Variants in CREB3L2 observed in about 807,000 individuals in gnomAD.
CREB3L2 encodes the protein cAMP responsive element binding protein 3 like 2, also known as cyclic AMP-responsive element-binding protein 3-like protein 2.
CREB3L2 carries 23 observed loss-of-function variants against 57.2 expected under a neutral mutation model. That is an observed-to-expected ratio of 0.40 (90% CI 0.29 to 0.57). The LOEUF is 0.57. Among genes scored for constraint, CREB3L2 ranks in the 20% least tolerant of loss-of-function variants. The pLI, the probability that CREB3L2 is intolerant of heterozygous loss-of-function variation, is 0.42. For missense variants in CREB3L2, 628 were observed against 634.7 expected, an observed-to-expected ratio of 0.99 and a Z score of 0.11; for synonymous variants, 268 against 265.1, an observed-to-expected ratio of 1.01 and a Z score of -0.11.
chr7:137,997,662 A>C (rs1421761204), intron 1 of CREB3L2, among the ~76,000 whole-genome samples: 6 of 152,182 alleles, frequency 3.9e-5, no homozygotes, highest in Non-Finnish European at 4.4e-5. Flanking sequence ...TGGAAGGTTA[A>C]GCCTGCAGTG....
At chr7:137,903,542 ATCTT>A (rs1244623793) in intron 7 of CREB3L2, among the ~76,000 whole-genome samples, 2 of 151,756 alleles carry the variant, frequency 1.3e-5, no homozygotes, top group Admixed American at 1.3e-4. Flanking sequence ...CCAACCTGAC[ATCTT>A]TCTTTCCCTA....
chr7:137,978,863 C>G (rs541294569), intron 1 of CREB3L2, among the ~76,000 whole-genome samples: 78 of 152,228 alleles, frequency 5.1e-4, no homozygotes, highest in Middle Eastern at 3.4e-3. Flanking sequence ...TGGATGAAAA[C>G]CTCAAGGAGA....
chr7:137,922,431 T>C (rs1451133505), intron 2 of CREB3L2, among the ~76,000 whole-genome samples: 4 of 48,518 alleles, frequency 8.2e-5, no homozygotes, highest in African/African-American at 6.5e-4. Flanking sequence ...TATATATATA[T>C]ATATACGTAT....
At position 137,884,988 on chromosome 7, in the gene CREB3L2, G is replaced by A; in HGVS notation, c.1270+7C>T. ...GACCCTGCCCAACTTGCCACATGCT[G>A]TCTTACCCACGGAGGCTGTGTAGGG... is the stretch of plus-strand genomic sequence containing the variant. On this transcript the variant is annotated splice_region_variant and intron_variant, in intron 10 of 11. Transcript: ENST00000330387. 4 of 1,614,176 alleles carry A rather than the reference G, an allele frequency of 2.5e-6. No homozygotes were observed. The highest frequency in any genetic ancestry group is 3.4e-6 in the Non-Finnish European group (4 of 1,180,032).
At position 137,905,682 on chromosome 7, in the gene CREB3L2, C is replaced by A; in HGVS notation, c.915+20G>T. The stretch of plus-strand genomic sequence containing the variant: ...TCTGCTCGTCTCTGCTCTAGAAGTG[C>A]CTAGATTTGAAGAGCTCACCTTATT... On this transcript the variant is annotated intron_variant, in intron 6 of 11. Coordinates refer to ENST00000330387, the MANE Select transcript of CREB3L2 (RefSeq NM_194071.4). The A allele has an allele frequency of 1.9e-6, 3 of 1,613,468 alleles. No homozygotes were observed. The South Asian group carries it at 3.3e-5, about 18-fold the overall frequency.
chr7:137,981,304 CA>C (rs1801707284), intron 1 of CREB3L2, among the ~76,000 whole-genome samples: 1 of 152,150 alleles, frequency 6.6e-6, no homozygotes, highest in Non-Finnish European at 1.5e-5. Context: ...GGGGACTGGT[CA>C]GGGGTAGCAG....
chr7:137,960,385 ATG>A (rs1801297964), intron 1 of CREB3L2, among the ~76,000 whole-genome samples: 1 of 152,210 alleles, frequency 6.6e-6, no homozygotes, highest in Admixed American at 6.5e-5. Flanking sequence ...ATAAATACAT[ATG>A]TGTGTGTTTA....
intron 8 of CREB3L2, 115 bp from the exon 9 acceptor site, chr7:137,885,617 C>T: frequency 1.3e-6 from 1 of 758,302 alleles, no homozygotes. Flanking sequence ...TCAACAGAGC[C>T]CCAAGGGACA....
At chr7:137,988,164 A>C (rs1801822696) in intron 1 of CREB3L2, among the ~76,000 whole-genome samples, 1 of 152,092 alleles carries the variant, frequency 6.6e-6, no homozygotes, top group Non-Finnish European at 1.5e-5. Flanking sequence ...TCCTCCTCCC[A>C]CACCTGTTCC....
At chr7:137,939,328 G>A (rs1209628122) in intron 1 of CREB3L2, among the ~76,000 whole-genome samples, 1 of 152,000 alleles carries the variant, frequency 6.6e-6, no homozygotes, top group African/African-American at 2.4e-5. Flanking sequence ...TCCCAGGCAC[G>A]TTCGGCATAG....
intron 1 of CREB3L2, among the ~76,000 whole-genome samples, chr7:137,969,550 A>T: frequency 6.6e-6 from 1 of 151,394 alleles, no homozygotes. Context: ...ACGGGATTTC[A>T]CCATGTTAAC....
At chr7:137,975,448 A>T (rs970445968) in intron 1 of CREB3L2, among the ~76,000 whole-genome samples, 2 of 151,726 alleles carry the variant, frequency 1.3e-5, no homozygotes, top group Non-Finnish European at 2.9e-5. Flanking sequence ...CATCTGCAGG[A>T]CTCTCGCCCC....
Position 137,876,698 on chromosome 7 carries a change from T to C in CREB3L2, c.*3778A>G, listed in dbSNP as rs1238469398. 2 of 232,264 alleles carry C rather than the reference T, an allele frequency of 8.6e-6. No homozygotes were observed. Among genetic ancestry groups the C allele is most frequent in the African/African-American group, 4.4e-5 (2 of 45,256 alleles). 14.4% of individuals were successfully genotyped at this position (232,264 alleles called of 1,614,324 possible). A position where few individuals can be genotyped will look rare whatever the true frequency, so the allele number is the denominator to read the frequency against. On this transcript the variant is annotated 3_prime_UTR_variant, in exon 12 of 12. Coordinates refer to ENST00000330387, the MANE Select transcript of CREB3L2 (RefSeq NM_194071.4). ...AATAAAATGACTCTCAAGAGGGCAC[T>C]ACCTGCCCATGGCTTCACAGGTCCA... is the stretch of plus-strand genomic sequence containing the variant.
intron 1 of CREB3L2, among the ~76,000 whole-genome samples, chr7:137,942,953 G>A (rs867659684): frequency 1.3e-5 from 2 of 152,152 alleles, no homozygotes; most frequent in Admixed American, 6.5e-5. Context: ...CCTCGGGGGT[G>A]GGGGAGATAT....
In CREB3L2 at chr7:137,880,314, C is replaced by T; in HGVS notation, c.*162G>A. The T allele has an allele frequency of 3.1e-6, 2 of 639,198 alleles. No individual in the cohort carries two copies. Among genetic ancestry groups the T allele is most frequent in the Middle Eastern group, 4.2e-4 (1 of 2,394 alleles). The allele number at this position is 639,198 out of a possible 1,614,324, so 39.6% of individuals were successfully genotyped here. The stretch of plus-strand genomic sequence containing the variant: ...GGCATGGACCAGGGGGAGATGCTCT[C>T]TCACTGCAGGGAAGTCCCAGGCTGG... On this transcript the variant is annotated 3_prime_UTR_variant, in exon 12 of 12. Coordinates refer to ENST00000330387, the MANE Select transcript of CREB3L2 (RefSeq NM_194071.4). This position sits in a 1 kb window ranked among gnomAD's most constrained non-coding sequence, Gnocchi z 4.0.
chr7:137,984,042 A>G (rs549339469), intron 1 of CREB3L2, among the ~76,000 whole-genome samples: 2 of 152,356 alleles, frequency 1.3e-5, no homozygotes, highest in African/African-American at 4.8e-5. Flanking sequence ...AAAAAGTGCC[A>G]CTGAGGTTTT....
At chr7:137,997,547 C>T (rs939529162) in intron 1 of CREB3L2, among the ~76,000 whole-genome samples, 4 of 105,306 alleles carry the variant, frequency 3.8e-5, no homozygotes, top group African/African-American at 1.3e-4. Context: ...ATACTGAGAT[C>T]CCGTTTCTAC....
rs1015225600 is a variant in CREB3L2 at position 137,879,593 on chromosome 7, G to T, written c.*883C>A. 1.2e-5 allele frequency: 3 copies of T among 245,192 alleles called. No individual in the cohort carries two copies. Among genetic ancestry groups the T allele is most frequent in the African/African-American group, 6.6e-5 (3 of 45,312 alleles). The allele number at this position is 245,192 out of a possible 1,614,324, so 15.2% of individuals were successfully genotyped here. On this transcript the variant is annotated 3_prime_UTR_variant, in exon 12 of 12. Coordinates refer to ENST00000330387, the MANE Select transcript of CREB3L2 (RefSeq NM_194071.4). ...AGTTAAAAGAAAAAACAAAGGAAAG[G>T]AAACAAAACATTGTCTGGAAAGACA...
At chr7:137,983,700 T>C (rs1328996276) in intron 1 of CREB3L2, among the ~76,000 whole-genome samples, 2 of 152,240 alleles carry the variant, frequency 1.3e-5, no homozygotes, top group Non-Finnish European at 2.9e-5. Flanking sequence ...CTATGGCCTT[T>C]CTTCATTGTT....
Sources: allele counts gnomAD v4.1 joint callset (sites outside exome capture counted in the v4.1 genomes callset), GRCh38; gene constraint gnomAD v4.1.1; non-coding constraint Gnocchi (gnomAD v3.1); transcripts MANE v1.5; gene names NCBI Gene and HGNC (gene_info 2026-07-23, HGNC 2026-07-21).